The following IMMP2L variants were observed in gnomAD, a reference collection of about 807,000 sequenced individuals.
IMMP2L encodes the protein mitochondrial inner membrane protease subunit 2.
IMMP2L carries 18 observed loss-of-function variants against 19.3 expected under a neutral mutation model. The observed-to-expected ratio is 0.93, with a 90% CI of 0.64 to 1.38. The LOEUF (loss-of-function observed/expected upper bound fraction) is 1.38, where lower values mean the gene tolerates loss of function less well. Among genes scored for constraint, IMMP2L ranks in the 40% most tolerant of loss-of-function variants. The pLI is 0.00. For missense variants in IMMP2L, 233 were observed against 218.2 expected, an observed-to-expected ratio of 1.07 and a Z score of -0.43; for synonymous variants, 76 against 73.0, an observed-to-expected ratio of 1.04 and a Z score of -0.21.
chr7:111,284,600 G>A (rs1820288874), intron 3 of IMMP2L, among the ~76,000 whole-genome samples: 1 of 152,172 alleles, frequency 6.6e-6, no homozygotes, highest in South Asian at 2.1e-4. Context: ...GAGTGAAGAG[G>A]AAAGACAGGT....
At position 111,391,698 on chromosome 7, in the gene IMMP2L, C is replaced by A. The variant is rs1236451896; in HGVS notation, c.239+95540G>T. 5.9e-6 allele frequency: 3 copies of A among 506,336 alleles called. No individual in the cohort carries two copies. In the East Asian group the frequency reaches 9.0e-5, roughly 15 times the overall value. The allele number at this position is 506,336 out of a possible 1,614,324, so 31.4% of individuals were successfully genotyped here. On this transcript the variant is annotated intron_variant, in intron 3 of 5. Transcript: ENST00000405709. Reference sequence around the variant, plus strand: ...CTTCGTTTTATACAGAATGACTATCCAAAGATGCAAATTTTTTAAAATAAA... The same window carrying A: ...CTTCGTTTTATACAGAATGACTATCAAAAGATGCAAATTTTTTAAAATAAA...
rs1273783961 is a variant in IMMP2L, at chr7:111,213,350, T to C, written c.240-249785A>G. Among the ~76,000 whole-genome samples the C allele has an allele frequency of 1.3e-5, 2 of 152,158 alleles. No homozygotes were observed. The highest frequency in any genetic ancestry group is 3.9e-4 in the East Asian group (2 of 5,172). ...CATGGGAGGGAGGCTGAGTGGGGCC[T>C]GAAGGCAGCTTGGTGCTGGCCTGCA... On this transcript the variant is annotated intron_variant, in intron 3 of 5. Coordinates refer to ENST00000405709, the MANE Select transcript of IMMP2L (RefSeq NM_032549.4). The surrounding 1 kb of genome is among the most constrained non-coding windows in gnomAD (Gnocchi z 4.8).
intron 3 of IMMP2L, among the ~76,000 whole-genome samples, chr7:111,444,958 A>G (rs1166106765): frequency 6.6e-6 from 1 of 152,120 alleles, no homozygotes; most frequent in Admixed American, 6.6e-5. Flanking sequence ...TTCTTGTAAC[A>G]GTTATATATT....
intron 3 of IMMP2L, among the ~76,000 whole-genome samples, chr7:111,484,827 C>A (rs2132244597): frequency 6.6e-6 from 1 of 152,228 alleles, no homozygotes; most frequent in Middle Eastern, 3.4e-3. Context: ...CTCACTGTCA[C>A]CCAGGCTGGA....
intron 3 of IMMP2L, among the ~76,000 whole-genome samples, chr7:111,479,135 T>G (rs80323670): frequency 0.01 from 1,530 of 152,290 alleles, 44 homozygotes; most frequent in Admixed American, 0.048. Context: ...ACTGTGAAAC[T>G]GCCAAAAGTT....
At chr7:111,008,381 C>A (rs1344933687) in intron 3 of IMMP2L, among the ~76,000 whole-genome samples, 1 of 152,060 alleles carries the variant, frequency 6.6e-6, no homozygotes, top group Non-Finnish European at 1.5e-5. Context: ...ACTAAGATTG[C>A]TCTGCCTAAG....
intron 5 of IMMP2L, among the ~76,000 whole-genome samples, chr7:110,873,429 CA>C (rs60827428): frequency 0.022 from 624 of 28,914 alleles, 1 homozygote; most frequent in African/African-American, 0.025. Flanking sequence ...GACTCTATCT[CA>C]AAAAAAAAAA....
intron 3 of IMMP2L, among the ~76,000 whole-genome samples, chr7:111,023,271 C>A (rs780833192): frequency 1.8e-4 from 27 of 152,206 alleles, no homozygotes; most frequent in Non-Finnish European, 2.9e-4. Flanking sequence ...GCTAAACACA[C>A]ATGCACTCAC....
chr7:111,238,001 TAA>T (rs1447874849), intron 3 of IMMP2L, among the ~76,000 whole-genome samples: 2 of 152,084 alleles, frequency 1.3e-5, no homozygotes, highest in Non-Finnish European at 2.9e-5. Context: ...ATTATTTTAT[TAA>T]GTTTAATGTT....
chr7:110,733,680 A>G (rs1034342616), intron 5 of IMMP2L, among the ~76,000 whole-genome samples: 1 of 152,190 alleles, frequency 6.6e-6, no homozygotes, highest in African/African-American at 2.4e-5. Context: ...CCAATGCAAC[A>G]GTATTAAGAG....
At chr7:110,741,921 T>G (rs529255653) in intron 5 of IMMP2L, among the ~76,000 whole-genome samples, 1 of 152,334 alleles carries the variant, frequency 6.6e-6, no homozygotes, top group East Asian at 1.9e-4. Flanking sequence ...AGATTCTACT[T>G]CTTCAAATTG....
At chr7:111,134,551 T>C (rs139830832) in intron 3 of IMMP2L, among the ~76,000 whole-genome samples, 227 of 152,192 alleles carry the variant, frequency 1.5e-3, no homozygotes, top group African/African-American at 5.1e-3. Context: ...TGAGGATGCA[T>C]TTTTATAGTA....
chr7:111,503,539 A>G (rs1386213134), intron 2 of IMMP2L, among the ~76,000 whole-genome samples: 4 of 152,158 alleles, frequency 2.6e-5, no homozygotes, highest in Non-Finnish European at 4.4e-5. Flanking sequence ...TTAGACCAAT[A>G]TCCTTGATGA....
At chr7:111,088,651 T>C (rs1013706889) in intron 3 of IMMP2L, among the ~76,000 whole-genome samples, 4 of 152,178 alleles carry the variant, frequency 2.6e-5, no homozygotes, top group Non-Finnish European at 5.9e-5. Flanking sequence ...TGGTTCTCAT[T>C]TGATGATCAC....
chr7:111,207,005 C>CA (rs1810782533), intron 3 of IMMP2L, among the ~76,000 whole-genome samples: 1 of 152,052 alleles, frequency 6.6e-6, no homozygotes, highest in East Asian at 1.9e-4. Flanking sequence ...ATAAGTTTTA[C>CA]AAAAAACATT....
chr7:111,254,328 A>T (rs1816468895), intron 3 of IMMP2L, among the ~76,000 whole-genome samples: 2 of 152,082 alleles, frequency 1.3e-5, no homozygotes, highest in Admixed American at 1.3e-4. Flanking sequence ...AATGATCCTA[A>T]AAGTCTTTGA....
chr7:110,700,388 C>T (rs1431124861), intron 5 of IMMP2L, among the ~76,000 whole-genome samples: 1 of 122,954 alleles, frequency 8.1e-6, no homozygotes, highest in Non-Finnish European at 1.9e-5. Flanking sequence ...TGCCACCATC[C>T]CAAACCCGCA....
intron 3 of IMMP2L, among the ~76,000 whole-genome samples, chr7:111,431,458 T>A (rs1836625201): frequency 6.6e-6 from 1 of 151,914 alleles, no homozygotes; most frequent in Non-Finnish European, 1.5e-5. Flanking sequence ...AGGATCATGG[T>A]ACCCTAACAC....
chr7:111,370,639 T>C (rs1830180862), intron 3 of IMMP2L, among the ~76,000 whole-genome samples: 1 of 151,922 alleles, frequency 6.6e-6, no homozygotes, highest in African/African-American at 2.4e-5. Flanking sequence ...GAAGCATAAT[T>C]AGTAGCACTA....
Sources: gnomAD v4.1 joint callset for allele counts (sites outside exome capture counted in the v4.1 genomes callset) on GRCh38, gnomAD v4.1.1 for gene constraint, Gnocchi (gnomAD v3.1) non-coding constraint, MANE v1.5 for transcripts, NCBI Gene and HGNC (gene_info 2026-07-23, HGNC 2026-07-21) for gene names.